PGM5: variants seen among roughly 807,000 people sequenced by gnomAD.
PGM5 encodes the protein phosphoglucomutase 5.
In PGM5, 23 loss-of-function variants were observed where a neutral mutation model predicts 59.2. That is an observed-to-expected ratio of 0.39 (90% CI 0.28 to 0.55). The LOEUF (loss-of-function observed/expected upper bound fraction) is 0.55, where lower values mean the gene tolerates loss of function less well. PGM5 is among the 20% of genes least tolerant of loss of function. The probability of loss-of-function intolerance (pLI) is 0.66; values close to 1 mark genes in which losing one functional copy is unlikely to be tolerated. For missense variants in PGM5, 574 were observed against 748.3 expected (o/e 0.77, Z 2.72); for synonymous variants, 214 against 286.0 (o/e 0.75, Z 2.54).
intron 9 of PGM5, chr9:68,498,135 C>G (rs1339921419): frequency 6.6e-6 from 1 of 152,182 alleles, no homozygotes; most frequent in African/African-American, 2.4e-5. Flanking sequence ...ACATGCCTCC[C>G]CCTTTTGGTT....
chr9:68,522,188 A>C (rs1387373897), intron 10 of PGM5, among the ~76,000 whole-genome samples: 1 of 152,178 alleles, frequency 6.6e-6, no homozygotes, highest in Non-Finnish European at 1.5e-5. Flanking sequence ...CCAAGAGGCA[A>C]AAGTTGCAGT....
intron 10 of PGM5, among the ~76,000 whole-genome samples, chr9:68,516,562 G>A (rs752637634): frequency 7.9e-5 from 12 of 152,210 alleles, no homozygotes; most frequent in Non-Finnish European, 1.6e-4. Flanking sequence ...CACCACCTGG[G>A]GTGAACCTCA....
chr9:68,511,383 T>C (rs964542563), intron 10 of PGM5, among the ~76,000 whole-genome samples: 1 of 152,120 alleles, frequency 6.6e-6, no homozygotes, highest in Non-Finnish European at 1.5e-5. Context: ...TTTCCTGTTA[T>C]GGCCTGAACT....
chr9:68,401,557 C>T (rs1157855386), intron 6 of PGM5, among the ~76,000 whole-genome samples: 4 of 151,622 alleles, frequency 2.6e-5, no homozygotes, highest in Non-Finnish European at 4.4e-5. Flanking sequence ...TCCTTAGAAT[C>T]GCCCTGTCTG....
At chr9:68,417,948 C>G (rs1554682102) in intron 6 of PGM5, among the ~76,000 whole-genome samples, 1 of 152,228 alleles carries the variant, frequency 6.6e-6, no homozygotes, top group African/African-American at 2.4e-5. Flanking sequence ...GTGCCTTACA[C>G]TTCAATTGAG....
intron 10 of PGM5, among the ~76,000 whole-genome samples, chr9:68,524,797 G>A (rs1384811460): frequency 6.6e-6 from 1 of 152,162 alleles, no homozygotes; most frequent in Non-Finnish European, 1.5e-5. Flanking sequence ...GATCTTATAT[G>A]CAGAACTGTA....
chr9:68,505,213 C>T (rs540105931), intron 10 of PGM5, among the ~76,000 whole-genome samples: 1 of 152,166 alleles, frequency 6.6e-6, no homozygotes, highest in African/African-American at 2.4e-5. Context: ...TCCATGTTAA[C>T]GTTGAAGGCC....
chr9:68,525,873 T>G (rs1028972411), intron 10 of PGM5, among the ~76,000 whole-genome samples: 1 of 152,050 alleles, frequency 6.6e-6, no homozygotes, highest in Admixed American at 6.6e-5. Flanking sequence ...TGGCTAACAC[T>G]GTGAAACCTC....
intron 7 of PGM5, among the ~76,000 whole-genome samples, chr9:68,473,487 C>T (rs1437407921): frequency 1.3e-5 from 2 of 152,164 alleles, no homozygotes; most frequent in Non-Finnish European, 2.9e-5. Flanking sequence ...CACTTAGTAG[C>T]TGTGTGGCCT....
chr9:68,411,488 G>GTGTATA (rs1554681602), intron 6 of PGM5, among the ~76,000 whole-genome samples: 2 of 140,700 alleles, frequency 1.4e-5, no homozygotes, highest in African/African-American at 5.2e-5. Context: ...GTGTGTGTGT[G>GTGTATA]TATATATATA....
intron 6 of PGM5, among the ~76,000 whole-genome samples, chr9:68,440,221 A>C (rs1366635511): frequency 6.6e-6 from 1 of 152,204 alleles, no homozygotes; most frequent in Non-Finnish European, 1.5e-5. Context: ...ACTGAACACC[A>C]TCTATCAGCT....
chr9:68,357,036 T>A lies in PGM5; in HGVS notation c.-92T>A. 2 of 1,287,712 alleles carry A rather than the reference T, an allele frequency of 1.6e-6. No individual in the cohort carries two copies. Among genetic ancestry groups the A allele is most frequent in the Non-Finnish European group, 2.0e-6 (2 of 992,248 alleles). The allele number at this position is 1,287,712 out of a possible 1,614,324, so 79.8% of individuals were successfully genotyped here. A position where few individuals can be genotyped will look rare whatever the true frequency, so the allele number is the denominator to read the frequency against. On this transcript the variant is annotated 5_prime_UTR_variant, in exon 1 of 11. Coordinates refer to ENST00000396396, the MANE Select transcript of PGM5 (RefSeq NM_021965.4). ...GAGGGGGCCCGGGCGCGAGGCGGAG[T>A]CCCGGCGCGCAGCCAGGCTGGTGGA...
chr9:68,471,658 G>A (rs1554686229), intron 7 of PGM5, among the ~76,000 whole-genome samples: 1 of 151,602 alleles, frequency 6.6e-6, no homozygotes, highest in Non-Finnish European at 1.5e-5. Flanking sequence ...AGTGGCTCAT[G>A]CCTGTAATCC....
chr9:68,508,087 C>A (rs1201773373), intron 10 of PGM5, among the ~76,000 whole-genome samples: 1 of 152,238 alleles, frequency 6.6e-6, no homozygotes. Flanking sequence ...TGTATCCACA[C>A]TCCACATGGT....
At chr9:68,462,781 C>G (rs577445777) in intron 6 of PGM5, among the ~76,000 whole-genome samples, 2 of 152,220 alleles carry the variant, frequency 1.3e-5, no homozygotes, top group South Asian at 4.2e-4. Context: ...AACTTTGACC[C>G]AGGCTTGACT....
intron 6 of PGM5, among the ~76,000 whole-genome samples, chr9:68,422,593 G>A (rs188622991): frequency 0.016 from 2,475 of 151,816 alleles, 36 homozygotes; most frequent in Non-Finnish European, 0.023. Flanking sequence ...AGCCGGGCCC[G>A]GTGTACTTTC....
chr9:68,360,326 AAAATT>A (rs1834552654), intron 1 of PGM5, among the ~76,000 whole-genome samples: 1 of 151,038 alleles, frequency 6.6e-6, no homozygotes, highest in Non-Finnish European at 1.5e-5. Flanking sequence ...TCAAAAACAT[AAAATT>A]ATTTTATTAT....
At chr9:68,522,784 C>T (rs541263825) in intron 10 of PGM5, among the ~76,000 whole-genome samples, 1 of 152,292 alleles carries the variant, frequency 6.6e-6, no homozygotes, top group African/African-American at 2.4e-5. Flanking sequence ...CCACCTCAGG[C>T]CTTCCTATTG....
chr9:68,496,423 G>T (rs1459110931), intron 9 of PGM5, among the ~76,000 whole-genome samples: 1 of 152,206 alleles, frequency 6.6e-6, no homozygotes, highest in Non-Finnish European at 1.5e-5. Flanking sequence ...CATTCCATGT[G>T]GAGAAGGAGA....
Sources: gnomAD v4.1 joint callset for allele counts (sites outside exome capture counted in the v4.1 genomes callset) on GRCh38, gnomAD v4.1.1 for gene constraint, MANE v1.5 for transcripts, NCBI Gene and HGNC (gene_info 2026-07-23, HGNC 2026-07-21) for gene names.